The following TAOK3 variants were observed in gnomAD, a reference collection of about 807,000 sequenced individuals.
The protein encoded by TAOK3 is serine/threonine-protein kinase TAO3.
Under a neutral mutation model 120.4 loss-of-function variants are expected in TAOK3, and 40 were observed. The observed-to-expected ratio is 0.33, with a 90% CI of 0.26 to 0.43. TAOK3 has a LOEUF of 0.43. Ranked by LOEUF, TAOK3 falls within the 20% of genes least tolerant of loss-of-function variation. The pLI, the probability that TAOK3 is intolerant of heterozygous loss-of-function variation, is 1.00. For missense variants in TAOK3, 821 were observed against 1,112.1 expected, an observed-to-expected ratio of 0.74 and a Z score of 3.72; for synonymous variants, 355 against 387.5, an observed-to-expected ratio of 0.92 and a Z score of 0.99.
chr12:118,319,200 C>T (rs2043597831), intron 1 of TAOK3, among the ~76,000 whole-genome samples: 1 of 151,934 alleles, frequency 6.6e-6, no homozygotes, highest in Non-Finnish European at 1.5e-5. Flanking sequence ...ACATTGTATA[C>T]CATAAATATA....
chr12:118,246,821 G>T (rs2040534748), intron 3 of TAOK3: 14 of 1,307,630 alleles, frequency 1.1e-5, no homozygotes, highest in Non-Finnish European at 1.5e-5. Context: ...CCATTTCTAA[G>T]ACCTACAGCT....
In TAOK3 at chr12:118,151,213, C is replaced by G. The variant is rs572598633; in HGVS notation, c.2536-55G>C. ...GAAAGCATCTCCTAACAGGCACCCACGTGCACGCGATACACCCATAGGCAC... is the reference window on the plus strand; with the variant it reads ...GAAAGCATCTCCTAACAGGCACCCAGGTGCACGCGATACACCCATAGGCAC... On this transcript the variant is annotated intron_variant, in intron 20 of 20. Coordinates refer to ENST00000392533, the MANE Select transcript of TAOK3 (RefSeq NM_016281.4). 3.8e-4 allele frequency: 600 copies of G among 1,587,976 alleles called. 7 individuals are homozygous for G. In the South Asian group the frequency reaches 6.1e-3, roughly 16 times the overall value.
intron 17 of TAOK3, 133 bp from the exon 18 acceptor site, chr12:118,162,160 G>T: frequency 8.7e-7 from 1 of 1,155,956 alleles, no homozygotes; most frequent in Non-Finnish European, 1.2e-6. Flanking sequence ...GTGTTTGGCA[G>T]CAGGACTTAA....
intron 1 of TAOK3, among the ~76,000 whole-genome samples, chr12:118,334,901 G>T (rs1406756814): frequency 6.6e-6 from 1 of 150,620 alleles, no homozygotes; most frequent in South Asian, 2.1e-4. Flanking sequence ...AAAAAAGGCC[G>T]GGCTTAGTGG....
chr12:118,346,209 C>T (rs934708509), intron 1 of TAOK3, among the ~76,000 whole-genome samples: 1 of 152,104 alleles, frequency 6.6e-6, no homozygotes, highest in African/African-American at 2.4e-5. Context: ...GGACTTCTCA[C>T]CACTTTGTTG....
intron 9 of TAOK3, among the ~76,000 whole-genome samples, chr12:118,229,538 A>G (rs992164643): frequency 1.3e-5 from 2 of 152,178 alleles, no homozygotes; most frequent in African/African-American, 4.8e-5. Flanking sequence ...ATGGTTTTAT[A>G]TTTTAAAGTA....
chr12:118,294,059 T>C (rs1489257831), intron 1 of TAOK3, among the ~76,000 whole-genome samples: 1 of 152,058 alleles, frequency 6.6e-6, no homozygotes, highest in Non-Finnish European at 1.5e-5. Context: ...GGTGGTGTCA[T>C]GAACCAAGTA....
At chr12:118,278,668 G>A (rs2041987124) in intron 1 of TAOK3, among the ~76,000 whole-genome samples, 1 of 152,140 alleles carries the variant, frequency 6.6e-6, no homozygotes, top group East Asian at 1.9e-4. Flanking sequence ...CCAGTAATGG[G>A]ATTGCTAAGT....
At chr12:118,319,177 A>G (rs1240296487) in intron 1 of TAOK3, among the ~76,000 whole-genome samples, 2 of 152,226 alleles carry the variant, frequency 1.3e-5, no homozygotes, top group African/African-American at 2.4e-5. Context: ...ATGTATGCAT[A>G]TATCAAAACA....
chr12:118,361,544 G>A (rs2045599100), intron 1 of TAOK3, among the ~76,000 whole-genome samples: 1 of 149,620 alleles, frequency 6.7e-6, no homozygotes, highest in Middle Eastern at 3.2e-3. Context: ...TGCAACCTCC[G>A]CCTCCTGGGT....
chr12:118,158,080 A>C (rs771919856), intron 19 of TAOK3, among the ~76,000 whole-genome samples: 1 of 152,166 alleles, frequency 6.6e-6, no homozygotes, highest in South Asian at 2.1e-4. Context: ...TGAACACCTC[A>C]AAGTTTATTC....
At chr12:118,244,530 T>TTC (rs1555229938) in intron 4 of TAOK3, among the ~76,000 whole-genome samples, 7 of 131,156 alleles carry the variant, frequency 5.3e-5, no homozygotes, top group Non-Finnish European at 8.3e-5. Context: ...CTTTTTTCTT[T>TTC]TTCTTTTTTT....
intron 3 of TAOK3, chr12:118,246,109 G>C (rs1031991160): frequency 1.3e-5 from 17 of 1,333,414 alleles, no homozygotes; most frequent in East Asian, 1.3e-4. Context: ...GGTGCAGCGG[G>C]GGGGCACGGA....
intron 1 of TAOK3, among the ~76,000 whole-genome samples, chr12:118,333,458 C>G (rs1302290513): frequency 6.6e-6 from 1 of 152,026 alleles, no homozygotes; most frequent in Non-Finnish European, 1.5e-5. Flanking sequence ...TACAGCATAT[C>G]AAAATTTGTG....
chr12:118,244,009 T>G (rs1018017714), intron 4 of TAOK3, among the ~76,000 whole-genome samples: 4 of 152,098 alleles, frequency 2.6e-5, no homozygotes, highest in South Asian at 2.1e-4. Context: ...TTTGAATACA[T>G]GTAAACACAA....
chr12:118,225,246 C>CAAAAAAA (rs34923071), intron 9 of TAOK3, among the ~76,000 whole-genome samples: 1 of 75,862 alleles, frequency 1.3e-5, no homozygotes, highest in Non-Finnish European at 2.5e-5. Flanking sequence ...GAGACTGTCT[C>CAAAAAAA]AAAAAAAAAA....
chr12:118,219,802 T>C (rs1428443654), intron 9 of TAOK3, among the ~76,000 whole-genome samples: 3 of 119,746 alleles, frequency 2.5e-5, no homozygotes, highest in Non-Finnish European at 5.1e-5. Context: ...TTTTTAGAGA[T>C]GGGGTTTTGC....
chr12:118,346,947 G>A (rs1191334400), intron 1 of TAOK3, among the ~76,000 whole-genome samples: 6 of 152,030 alleles, frequency 3.9e-5, no homozygotes, highest in Non-Finnish European at 7.4e-5. Context: ...ATATGCATTC[G>A]TCTTCCTCCT....
chr12:118,354,038 A>C (rs2045292340), intron 1 of TAOK3, among the ~76,000 whole-genome samples: 1 of 152,218 alleles, frequency 6.6e-6, no homozygotes, highest in South Asian at 2.1e-4. Flanking sequence ...GACCCAATAC[A>C]AGATATGAAC....
Sources: allele counts gnomAD v4.1 joint callset (sites outside exome capture counted in the v4.1 genomes callset), GRCh38; gene constraint gnomAD v4.1.1; transcripts MANE v1.5; gene names NCBI Gene and HGNC (gene_info 2026-07-23, HGNC 2026-07-21).